Variants in SNTG1 observed in about 807,000 individuals in gnomAD.
The protein encoded by SNTG1 is syntrophin gamma 1.
In SNTG1, 39 loss-of-function variants were observed where a neutral mutation model predicts 74.7. The observed-to-expected ratio is 0.52, with a 90% confidence interval of 0.40 to 0.68. The LOEUF is 0.68. Ranked by LOEUF, SNTG1 falls within the 30% of genes least tolerant of loss-of-function variation. SNTG1 has a pLI of 0.00. For synonymous variants in SNTG1, 254 were observed against 217.1 expected, an observed-to-expected ratio of 1.17 and a Z score of -1.49; for missense variants, 685 against 609.5, an observed-to-expected ratio of 1.12 and a Z score of -1.30.
At chr8:49,920,597 T>G (rs75654172) in intron 1 of SNTG1, among the ~76,000 whole-genome samples, 1,934 of 152,204 alleles carry the variant, frequency 0.013, 44 homozygotes, top group African/African-American at 0.042. Context: ...CTGAATTTCA[T>G]TGACTTTAGT....
At chr8:50,232,764 A>G (rs993705870) in intron 2 of SNTG1, among the ~76,000 whole-genome samples, 9 of 151,678 alleles carry the variant, frequency 5.9e-5, no homozygotes, top group African/African-American at 2.2e-4. Context: ...ACATTCAAAA[A>G]TTGCTTTGTA....
chr8:50,156,316 T>C (rs150256512), intron 1 of SNTG1, among the ~76,000 whole-genome samples: 7 of 152,104 alleles, frequency 4.6e-5, no homozygotes, highest in African/African-American at 1.7e-4. Flanking sequence ...TCAAGTGCTA[T>C]AGCAGAATGA....
intron 4 of SNTG1, among the ~76,000 whole-genome samples, chr8:50,420,247 A>G (rs150500097): frequency 2.0e-5 from 3 of 152,328 alleles, no homozygotes; most frequent in Non-Finnish European, 4.4e-5. Context: ...AATTCTGAGG[A>G]CTAAAGACAA....
intron 2 of SNTG1, among the ~76,000 whole-genome samples, chr8:50,232,529 C>A (rs1410614739): frequency 2.0e-5 from 3 of 151,366 alleles, no homozygotes; most frequent in Non-Finnish European, 4.4e-5. Context: ...AGTTTAGACA[C>A]AAGGCAAGAT....
chr8:50,669,892 C>A (rs1563721396), intron 15 of SNTG1, among the ~76,000 whole-genome samples: 4 of 151,918 alleles, frequency 2.6e-5, no homozygotes, highest in Non-Finnish European at 5.9e-5. Context: ...TCAATATAGG[C>A]AAATCAATAA....
chr8:50,491,740 T>C (rs2093856385), intron 8 of SNTG1, among the ~76,000 whole-genome samples: 2 of 151,864 alleles, frequency 1.3e-5, no homozygotes, highest in Non-Finnish European at 2.9e-5. Flanking sequence ...TTTATTTTAC[T>C]TTAAGTTCTG....
intron 13 of SNTG1, among the ~76,000 whole-genome samples, chr8:50,652,608 C>T (rs2095154177): frequency 6.6e-6 from 1 of 151,868 alleles, no homozygotes; most frequent in South Asian, 2.1e-4. Context: ...ACCAGCCTGG[C>T]CAACATGGTG....
Position 50,781,975 on chromosome 8 carries a change from G to T in SNTG1, c.1396-10696G>T, listed in dbSNP as rs187228822. Among the ~76,000 whole-genome samples, 68 of 152,220 alleles carry T rather than the reference G, an allele frequency of 4.5e-4. No individual in the cohort carries two copies. In the East Asian group the frequency reaches 0.013, roughly 28 times the overall value. ...ACTTTCACTTATGAAGCTTAGTTTGGCTGGATATGAAATTCTGGGTTGAAC... is the reference window on the plus strand; with the variant it reads ...ACTTTCACTTATGAAGCTTAGTTTGTCTGGATATGAAATTCTGGGTTGAAC... On this transcript the variant is annotated intron_variant, in intron 18 of 18. Coordinates refer to ENST00000642720, the MANE Select transcript of SNTG1 (RefSeq NM_018967.5).
chr8:50,350,322 G>A (rs2091616943), intron 2 of SNTG1, among the ~76,000 whole-genome samples: 1 of 152,164 alleles, frequency 6.6e-6, no homozygotes, highest in South Asian at 2.1e-4. Flanking sequence ...GCAGGGGACT[G>A]GCAGGCAGCT....
chr8:50,509,113 G>A (rs1047783198), intron 9 of SNTG1, among the ~76,000 whole-genome samples: 1 of 152,114 alleles, frequency 6.6e-6, no homozygotes, highest in African/African-American at 2.4e-5. Context: ...TTTATGGAAG[G>A]GATCCAGTTT....
chr8:50,457,893 C>T (rs539637868), intron 8 of SNTG1: 2 of 152,344 alleles, frequency 1.3e-5, no homozygotes, highest in East Asian at 3.9e-4. Flanking sequence ...AAGTGGTCTG[C>T]GTTTGTCCTT....
At chr8:50,252,800 C>A (rs2129924033) in intron 2 of SNTG1, among the ~76,000 whole-genome samples, 2 of 152,286 alleles carry the variant, frequency 1.3e-5, no homozygotes, top group Non-Finnish European at 2.9e-5. Context: ...TCCCACCAGG[C>A]CCTACGTCCA....
chr8:50,232,280 C>G (rs1224483080), intron 2 of SNTG1, among the ~76,000 whole-genome samples: 1 of 151,296 alleles, frequency 6.6e-6, no homozygotes, highest in Non-Finnish European at 1.5e-5. Flanking sequence ...TCCAGGCAAG[C>G]AGGCTGTTTC....
chr8:50,212,998 T>C (rs1346424511), intron 2 of SNTG1, among the ~76,000 whole-genome samples: 1 of 152,176 alleles, frequency 6.6e-6, no homozygotes, highest in South Asian at 2.1e-4. Context: ...TAAACTCCAT[T>C]TGGAAATAAC....
chr8:50,716,709 A>G (rs1273778136), intron 17 of SNTG1, among the ~76,000 whole-genome samples: 1 of 148,350 alleles, frequency 6.7e-6, no homozygotes, highest in Non-Finnish European at 1.5e-5. Flanking sequence ...AATATGAAAA[A>G]TAAAATTCCC....
chr8:50,197,445 T>TG (rs1188689992), intron 2 of SNTG1, among the ~76,000 whole-genome samples: 1 of 152,188 alleles, frequency 6.6e-6, no homozygotes, highest in Non-Finnish European at 1.5e-5. Flanking sequence ...TGTTAATAGG[T>TG]GCACCTTTTC....
At chr8:50,312,115 A>G (rs1410359696) in intron 2 of SNTG1, among the ~76,000 whole-genome samples, 1 of 152,186 alleles carries the variant, frequency 6.6e-6, no homozygotes, top group African/African-American at 2.4e-5. Flanking sequence ...GACAAGTTAC[A>G]TAGTCTGCTC....
At chr8:50,078,592 C>T (rs1265839750) in intron 1 of SNTG1, among the ~76,000 whole-genome samples, 1 of 152,084 alleles carries the variant, frequency 6.6e-6, no homozygotes. Flanking sequence ...ACCTGCTGAG[C>T]ATGCAGGTTT....
At chr8:50,076,292 A>T (rs965995015) in intron 1 of SNTG1, among the ~76,000 whole-genome samples, 3 of 152,166 alleles carry the variant, frequency 2.0e-5, no homozygotes, top group African/African-American at 7.2e-5. Context: ...ACTGAAAGAA[A>T]CAAAAACAAA....
Sources: gnomAD v4.1 joint callset for allele counts (sites outside exome capture counted in the v4.1 genomes callset) on GRCh38, gnomAD v4.1.1 for gene constraint, MANE v1.5 for transcripts, NCBI Gene and HGNC (gene_info 2026-07-23, HGNC 2026-07-21) for gene names.